Variants in CSMD1 observed in about 807,000 individuals in gnomAD.
CSMD1 encodes the protein CUB and Sushi multiple domains 1.
Under a neutral mutation model 417.5 loss-of-function variants are expected in CSMD1, and 213 were observed. That is an observed-to-expected ratio of 0.51 (90% confidence interval 0.46 to 0.57). The LOEUF is 0.57. CSMD1 is among the 20% of genes least tolerant of loss of function. CSMD1 has a pLI of 0.00. For synonymous variants in CSMD1, 2,862 were observed against 1,736.8 expected (o/e 1.65, Z -16.11); for missense variants, 6,923 against 4,529.7 (o/e 1.53, Z -15.17).
At chr8:3,403,342 G>C (rs949731632) in intron 15 of CSMD1, among the ~76,000 whole-genome samples, 3 of 151,882 alleles carry the variant, frequency 2.0e-5, no homozygotes, top group African/African-American at 7.3e-5. Flanking sequence ...TCTGAAAGTT[G>C]GCTTTCTATT....
chr8:3,840,982 C>G (rs569205043), intron 5 of CSMD1, among the ~76,000 whole-genome samples: 1 of 152,170 alleles, frequency 6.6e-6, no homozygotes, highest in South Asian at 2.1e-4. Context: ...GCTCAGATTA[C>G]AGGCATGAAC....
At chr8:3,448,569 G>C (rs978840414) in intron 12 of CSMD1, among the ~76,000 whole-genome samples, 1 of 152,038 alleles carries the variant, frequency 6.6e-6, no homozygotes, top group Non-Finnish European at 1.5e-5. Context: ...AGGTTTGTAG[G>C]AGTTGCTGTA....
chr8:3,771,512 G>C (rs889432795), intron 5 of CSMD1, among the ~76,000 whole-genome samples: 1 of 152,134 alleles, frequency 6.6e-6, no homozygotes, highest in East Asian at 1.9e-4. Flanking sequence ...CAACAGTTTG[G>C]AGCTTCTGCT....
intron 3 of CSMD1, among the ~76,000 whole-genome samples, chr8:4,043,883 T>C (rs1304341800): frequency 1.3e-5 from 2 of 152,176 alleles, no homozygotes; most frequent in Non-Finnish European, 2.9e-5. Flanking sequence ...AGGAACTCAG[T>C]TAAGATAACA....
chr8:3,644,605 G>A (rs537797743), intron 7 of CSMD1, among the ~76,000 whole-genome samples: 16 of 152,228 alleles, frequency 1.1e-4, no homozygotes, highest in African/African-American at 3.6e-4. Flanking sequence ...AGGAATGAAC[G>A]GGATAAGAGA....
intron 3 of CSMD1, among the ~76,000 whole-genome samples, chr8:4,177,288 G>A (rs373193544): frequency 3.7e-3 from 565 of 152,054 alleles, no homozygotes; most frequent in African/African-American, 0.013. Context: ...ACTCAAAACC[G>A]CTCAACTACA....
At chr8:3,613,707 A>ACG (rs1262538758) in intron 8 of CSMD1, among the ~76,000 whole-genome samples, 3 of 92,958 alleles carry the variant, frequency 3.2e-5, no homozygotes, top group Non-Finnish European at 7.0e-5. Context: ...ATTAAAACAC[A>ACG]CACACACACA....
At chr8:3,613,222 G>C (rs186528043) in intron 8 of CSMD1, 5 of 350,130 alleles carry the variant, frequency 1.4e-5, no homozygotes, top group Middle Eastern at 8.6e-4. Flanking sequence ...AGTAGAAGTA[G>C]ATCATCTACA....
intron 6 of CSMD1, among the ~76,000 whole-genome samples, chr8:3,739,707 G>T (rs578129741): frequency 6.6e-6 from 1 of 152,088 alleles, no homozygotes; most frequent in South Asian, 2.1e-4. Flanking sequence ...GGCATAATGG[G>T]TATTATAAGT....
At chr8:4,568,623 T>C (rs1798734109) in intron 2 of CSMD1, among the ~76,000 whole-genome samples, 1 of 152,218 alleles carries the variant, frequency 6.6e-6, no homozygotes, top group Non-Finnish European at 1.5e-5. Flanking sequence ...TATAATCCTA[T>C]GGGTATATAC....
At chr8:3,347,460 C>T (rs963117302) in intron 22 of CSMD1, among the ~76,000 whole-genome samples, 14 of 152,182 alleles carry the variant, frequency 9.2e-5, no homozygotes, top group African/African-American at 3.4e-4. Context: ...CCTCATCAGC[C>T]CTGTCTGTGA....
At chr8:4,495,781 C>A (rs1295833153) in intron 2 of CSMD1, among the ~76,000 whole-genome samples, 2 of 152,192 alleles carry the variant, frequency 1.3e-5, no homozygotes, top group African/African-American at 4.8e-5. Context: ...TTCAAATATA[C>A]TTTCTTAATA....
intron 7 of CSMD1, among the ~76,000 whole-genome samples, chr8:3,687,615 T>G (rs1477711120): frequency 6.6e-6 from 1 of 152,192 alleles, no homozygotes; most frequent in Non-Finnish European, 1.5e-5. Context: ...AAGATTTCAG[T>G]GGGTTCCGAG....
At position 4,251,612 on chromosome 8, in the gene CSMD1, G is replaced by A. The variant is rs139479660; in HGVS notation, c.415+168341C>T. 2.8e-3 allele frequency among the ~76,000 whole-genome samples: 427 copies of A among 152,280 alleles called. 9 individuals carry two copies. The highest frequency in any genetic ancestry group is 0.026 in the Admixed American group (395 of 15,286). On this transcript the variant is annotated intron_variant, in intron 3 of 69. Coordinates refer to ENST00000635120, the MANE Select transcript of CSMD1 (RefSeq NM_033225.6). ...CAAAAGTAAATGAGACAGGTTTCAT[G>A]TCTGGATATTACACACTGGCAGCTG...
intron 25 of CSMD1, among the ~76,000 whole-genome samples, chr8:3,285,622 C>T (rs1264241203): frequency 1.3e-5 from 2 of 151,988 alleles, no homozygotes; most frequent in African/African-American, 4.8e-5. Context: ...TGGTCTTGAA[C>T]TCCTCACCTC....
chr8:4,878,604 T>C (rs530787240), intron 1 of CSMD1, among the ~76,000 whole-genome samples: 2 of 151,442 alleles, frequency 1.3e-5, no homozygotes, highest in East Asian at 3.9e-4. Flanking sequence ...CTATCACCAG[T>C]TAGTAGAGGT....
intron 26 of CSMD1, among the ~76,000 whole-genome samples, chr8:3,266,280 A>G (rs534951937): frequency 1.4e-3 from 214 of 151,474 alleles, no homozygotes; most frequent in African/African-American, 5.1e-3. Context: ...GCGGAAAGGC[A>G]GTAGCACCAC....
At chr8:4,581,792 C>T (rs73186914) in intron 2 of CSMD1, among the ~76,000 whole-genome samples, 7,202 of 152,226 alleles carry the variant, frequency 0.047, 241 homozygotes, top group Middle Eastern at 0.068. Flanking sequence ...TTGGCTATTG[C>T]TAGGCTCTGA....
chr8:4,503,866 C>G (rs1425226896), intron 2 of CSMD1, among the ~76,000 whole-genome samples: 4 of 151,498 alleles, frequency 2.6e-5, no homozygotes, highest in African/African-American at 9.7e-5. Context: ...GATGGAATCA[C>G]TGGTAAACAA....
Sources: gnomAD v4.1 joint callset for allele counts (sites outside exome capture counted in the v4.1 genomes callset) on GRCh38, gnomAD v4.1.1 for gene constraint, MANE v1.5 for transcripts, NCBI Gene and HGNC (gene_info 2026-07-23, HGNC 2026-07-21) for gene names.